The following GNAQ variants were observed in gnomAD, a reference collection of about 807,000 sequenced individuals.
GNAQ encodes G protein subunit alpha q.
Under a neutral mutation model 43.9 loss-of-function variants are expected in GNAQ, and 8 were observed. The ratio of observed to expected loss-of-function variants is 0.18; its 90% CI spans 0.11 to 0.33. The LOEUF (loss-of-function observed/expected upper bound fraction) is 0.33. Ranked by LOEUF, GNAQ falls within the 10% of genes least tolerant of loss-of-function variation. The pLI is 1.00. For missense variants in GNAQ, 158 were observed against 450.8 expected, an observed-to-expected ratio of 0.35 and a Z score of 5.88; for synonymous variants, 155 against 170.7, an observed-to-expected ratio of 0.91 and a Z score of 0.71.
chr9:77,894,247 T>A (rs35198293), intron 2 of GNAQ, among the ~76,000 whole-genome samples: 1 of 144,250 alleles, frequency 6.9e-6, no homozygotes, highest in Non-Finnish European at 1.5e-5. Flanking sequence ...AAATTTTAAA[T>A]GTTTCATTTA....
At position 77,720,171 on chromosome 9, in the gene GNAQ, A is replaced by G. The variant is rs1346921228; in HGVS notation, c.*1152T>C. ...AGAAAAGAATGGACCGTGAGAATCA[A>G]ATTTCTAGTTACAACTGTTTGGCAA... is the stretch of plus-strand genomic sequence containing the variant. On this transcript the variant is annotated 3_prime_UTR_variant, in exon 7 of 7. Transcript: ENST00000286548. 1 of 233,188 alleles carries G rather than the reference A, an allele frequency of 4.3e-6. No individual in the cohort carries two copies. Among genetic ancestry groups the G allele is most frequent in the Non-Finnish European group, 8.5e-6 (1 of 117,892 alleles). The allele number at this position is 233,188 out of a possible 1,614,324, so 14.4% of individuals were successfully genotyped here.
chr9:77,774,414 C>G (rs773708732), intron 5 of GNAQ, among the ~76,000 whole-genome samples: 6 of 151,858 alleles, frequency 4.0e-5, no homozygotes, highest in Admixed American at 2.0e-4. Context: ...CTTTCTGAAA[C>G]CAATCAGAAA....
At chr9:77,868,608 C>T (rs2118017774) in intron 2 of GNAQ, among the ~76,000 whole-genome samples, 1 of 151,932 alleles carries the variant, frequency 6.6e-6, no homozygotes, top group East Asian at 1.9e-4. Flanking sequence ...CCATCCTGGC[C>T]AACATAGTGA....
At chr9:78,030,757 C>CCTCTT (rs1459433814) in intron 1 of GNAQ, among the ~76,000 whole-genome samples, 4 of 152,130 alleles carry the variant, frequency 2.6e-5, no homozygotes, top group African/African-American at 7.2e-5. Flanking sequence ...CACCCCCGCG[C>CCTCTT]CTCTGGTCGG....
rs375413695 is a variant in GNAQ, at chr9:78,031,276, T to C, written c.-41A>G. The stretch of plus-strand genomic sequence containing the variant: ...CCGCTGCAGCCCCGCCGGCACCCCC[T>C]GCTCACAGCGCGCACACACACCCTC... On this transcript the variant is annotated 5_prime_UTR_variant, in exon 1 of 7. Transcript: ENST00000286548. 3.5e-4 allele frequency: 509 copies of C among 1,436,368 alleles called. 3 individuals are homozygous for C. Among genetic ancestry groups the C allele is most frequent in the East Asian group, 2.0e-3 (71 of 36,062 alleles). 89.0% of individuals were successfully genotyped at this position (1,436,368 alleles called of 1,614,324 possible). A position where few individuals can be genotyped will look rare whatever the true frequency, so the allele number is the denominator to read the frequency against.
chr9:77,738,480 T>A (rs929747470), intron 5 of GNAQ, among the ~76,000 whole-genome samples: 1 of 152,114 alleles, frequency 6.6e-6, no homozygotes, highest in Non-Finnish European at 1.5e-5. Flanking sequence ...AAAATAACAG[T>A]AGGAAAAGAA....
chr9:77,862,124 C>T (rs916746112), intron 2 of GNAQ, among the ~76,000 whole-genome samples: 4 of 151,644 alleles, frequency 2.6e-5, no homozygotes, highest in Admixed American at 6.6e-5. Context: ...CACAGGCATG[C>T]GTTGAGTGTC....
intron 2 of GNAQ, among the ~76,000 whole-genome samples, chr9:77,861,320 G>C (rs1422998755): frequency 2.0e-5 from 3 of 152,136 alleles, no homozygotes; most frequent in South Asian, 2.1e-4. Flanking sequence ...GGTGAGATTT[G>C]GGTGGGGAAA....
intron 2 of GNAQ, among the ~76,000 whole-genome samples, chr9:77,831,599 C>G (rs1827298349): frequency 6.6e-6 from 1 of 152,178 alleles, no homozygotes; most frequent in East Asian, 1.9e-4. Context: ...CATACGCTTT[C>G]AATGTGACAG....
chr9:77,726,213 G>A (rs1587884929), intron 6 of GNAQ, among the ~76,000 whole-genome samples: 2 of 152,182 alleles, frequency 1.3e-5, no homozygotes, highest in East Asian at 3.9e-4. Flanking sequence ...CCGGGCTAGT[G>A]CAAATTAAAA....
At chr9:77,967,272 G>T (rs573894607) in intron 1 of GNAQ, among the ~76,000 whole-genome samples, 1 of 152,100 alleles carries the variant, frequency 6.6e-6, no homozygotes, top group African/African-American at 2.4e-5. Flanking sequence ...CAGTTCCCTC[G>T]GTCAGATCCA....
chr9:77,951,092 C>CTT (rs35044662), intron 1 of GNAQ, among the ~76,000 whole-genome samples: 9,466 of 89,082 alleles, frequency 0.11, 1,290 homozygotes, highest in Non-Finnish European at 0.14. Flanking sequence ...GTCAAGTGTT[C>CTT]TTTTTTTTTT....
chr9:77,780,313 A>G lies in GNAQ; in HGVS notation c.735+14150T>C, dbSNP rs191273486. ...TTTAGTACCCTCTGTTCCACTTTTT[A>G]CTTCTATGAGATCTACAGTTTTTTT... On this transcript the variant is annotated intron_variant, in intron 5 of 6. Coordinates refer to ENST00000286548, the MANE Select transcript of GNAQ (RefSeq NM_002072.5). 1.4e-3 allele frequency among the ~76,000 whole-genome samples: 214 copies of G among 151,596 alleles called. 4 individuals are homozygous for G. Among genetic ancestry groups the G allele is most frequent in the Admixed American group, 0.013 (205 of 15,242 alleles).
At chr9:77,995,664 T>C (rs1182997990) in intron 1 of GNAQ, among the ~76,000 whole-genome samples, 1 of 151,976 alleles carries the variant, frequency 6.6e-6, no homozygotes, top group Non-Finnish European at 1.5e-5. Flanking sequence ...AAACTTTTTG[T>C]AGAAATGGGG....
chr9:77,764,956 A>G (rs1383889622), intron 5 of GNAQ, among the ~76,000 whole-genome samples: 1 of 152,196 alleles, frequency 6.6e-6, no homozygotes, highest in Non-Finnish European at 1.5e-5. Flanking sequence ...AACATTCTAT[A>G]AATGTGATTA....
chr9:77,916,920 T>C (rs1828916878), intron 2 of GNAQ, among the ~76,000 whole-genome samples: 2 of 152,180 alleles, frequency 1.3e-5, no homozygotes, highest in Non-Finnish European at 2.9e-5. Flanking sequence ...TATCAATACT[T>C]TGAAATTGCC....
At chr9:78,026,405 AC>A (rs1334704086) in intron 1 of GNAQ, among the ~76,000 whole-genome samples, 2 of 152,244 alleles carry the variant, frequency 1.3e-5, no homozygotes, top group African/African-American at 2.4e-5. Flanking sequence ...AACTATAAGT[AC>A]TTTGTTTCAA....
intron 1 of GNAQ, among the ~76,000 whole-genome samples, chr9:77,967,221 CCT>C (rs553979051): frequency 2.6e-5 from 4 of 152,154 alleles, no homozygotes; most frequent in Non-Finnish European, 5.9e-5. Flanking sequence ...CATGTATACC[CCT>C]GTTGGGCTGA....
intron 5 of GNAQ, among the ~76,000 whole-genome samples, chr9:77,753,086 C>CA (rs547963667): frequency 0.19 from 9,844 of 51,644 alleles, 1,000 homozygotes; most frequent in African/African-American, 0.32. Flanking sequence ...GACTCTGTCT[C>CA]AAAAAAAAAA....
Sources: allele counts gnomAD v4.1 joint callset (sites outside exome capture counted in the v4.1 genomes callset), GRCh38; gene constraint gnomAD v4.1.1; transcripts MANE v1.5; gene names NCBI Gene and HGNC (gene_info 2026-07-23, HGNC 2026-07-21).